IGF1R: variants seen among roughly 807,000 people sequenced by gnomAD.
The protein encoded by IGF1R is insulin like growth factor 1 receptor.
A neutral mutation model predicts 144.6 loss-of-function variants in IGF1R; 44 were observed. The ratio of observed to expected loss-of-function variants is 0.30; its 90% CI spans 0.24 to 0.39. The LOEUF (loss-of-function observed/expected upper bound fraction) is 0.39. Ranked by LOEUF, IGF1R falls within the 10% of genes least tolerant of loss-of-function variation. The pLI is 1.00. For synonymous variants in IGF1R, 795 were observed against 722.8 expected (o/e 1.10, Z -1.60); for missense variants, 1,355 against 1,833.7 (o/e 0.74, Z 4.77).
intron 11 of IGF1R, 128 bp downstream of exon 11, chr15:98,922,559 C>A: frequency 2.7e-6 from 3 of 1,129,224 alleles, no homozygotes; most frequent in Non-Finnish European, 3.9e-6. Flanking sequence ...TGCTAAATAA[C>A]GTGCAGTCAT....
chr15:98,740,374 A>C (rs2054710089), intron 2 of IGF1R, among the ~76,000 whole-genome samples: 2 of 152,214 alleles, frequency 1.3e-5, no homozygotes, highest in African/African-American at 4.8e-5. Flanking sequence ...ATGCAGGCTG[A>C]AAAAGCATTT....
At chr15:98,661,215 G>A (rs2141176808) in intron 1 of IGF1R, among the ~76,000 whole-genome samples, 1 of 152,308 alleles carries the variant, frequency 6.6e-6, no homozygotes, top group East Asian at 1.9e-4. Flanking sequence ...AGGGACAGTA[G>A]CAAGGTCTTA....
At chr15:98,926,565 T>C (rs926715729) in intron 13 of IGF1R, among the ~76,000 whole-genome samples, 1 of 152,216 alleles carries the variant, frequency 6.6e-6, no homozygotes, top group Non-Finnish European at 1.5e-5. Flanking sequence ...ATGATAAATA[T>C]ACAATTTTTA....
chr15:98,719,787 G>A (rs1001461595), intron 2 of IGF1R, among the ~76,000 whole-genome samples: 19 of 152,166 alleles, frequency 1.2e-4, no homozygotes, highest in African/African-American at 4.3e-4. Flanking sequence ...GGGGACTTGA[G>A]ACCCTTGACT....
Position 98,935,234 on chromosome 15 carries a change from C to G in IGF1R, c.3187-82C>G, listed in dbSNP as rs1473131677. On this transcript the variant is annotated intron_variant, in intron 16 of 20. Coordinates refer to ENST00000650285, the MANE Select transcript of IGF1R (RefSeq NM_000875.5). This position sits in a 1 kb window ranked among gnomAD's most constrained non-coding sequence, Gnocchi z 4.2. ...CCTGTGCTCAGACCAGGCCGCAGCA[C>G]CACAGAGACAGTTCCAGACAACACA... 4 of 1,048,570 alleles carry G rather than the reference C, an allele frequency of 3.8e-6. No homozygotes were observed. The Admixed American group carries it at 8.0e-5, about 21-fold the overall frequency. 65.0% of individuals were successfully genotyped at this position (1,048,570 alleles called of 1,614,324 possible). A position where few individuals can be genotyped will look rare whatever the true frequency, so the allele number is the denominator to read the frequency against.
chr15:98,852,943 A>G (rs901424042), intron 2 of IGF1R, among the ~76,000 whole-genome samples: 3 of 152,146 alleles, frequency 2.0e-5, no homozygotes, highest in African/African-American at 4.8e-5. Context: ...ATTGCTCTCC[A>G]TGTGGGACAG....
chr15:98,917,404 C>T (rs1208942598), intron 10 of IGF1R, among the ~76,000 whole-genome samples: 1 of 152,192 alleles, frequency 6.6e-6, no homozygotes, highest in Non-Finnish European at 1.5e-5. Context: ...CAGTGTAGGG[C>T]GACAGCCTGC....
chr15:98,904,596 AG>A (rs1404693122), intron 5 of IGF1R, among the ~76,000 whole-genome samples: 1 of 152,076 alleles, frequency 6.6e-6, no homozygotes. Context: ...AAGGCAAAAA[AG>A]GCCAAATACT....
chr15:98,724,884 T>C, intron 2 of IGF1R, among the ~76,000 whole-genome samples: 1 of 152,210 alleles, frequency 6.6e-6, no homozygotes, highest in East Asian at 1.9e-4. Context: ...GGCCCTGGAA[T>C]AGAGAAGTTC....
At chr15:98,866,994 C>A (rs553037616) in intron 2 of IGF1R, among the ~76,000 whole-genome samples, 1 of 152,178 alleles carries the variant, frequency 6.6e-6, no homozygotes, top group Non-Finnish European at 1.5e-5. Context: ...TCATGACATC[C>A]TGAGCAGTGA....
At chr15:98,780,904 G>GA (rs1159841989) in intron 2 of IGF1R, among the ~76,000 whole-genome samples, 1 of 152,160 alleles carries the variant, frequency 6.6e-6, no homozygotes, top group Non-Finnish European at 1.5e-5. Flanking sequence ...GAACAATGTA[G>GA]AAAAGAAGAT....
At chr15:98,900,110 C>T (rs1445176121) in intron 5 of IGF1R, among the ~76,000 whole-genome samples, 2 of 152,140 alleles carry the variant, frequency 1.3e-5, no homozygotes, top group Admixed American at 6.5e-5. Flanking sequence ...CCCGGATTCA[C>T]GAGATGGTTT....
At chr15:98,779,423 A>T in intron 2 of IGF1R, among the ~76,000 whole-genome samples, 1 of 152,240 alleles carries the variant, frequency 6.6e-6, no homozygotes, top group East Asian at 1.9e-4. Context: ...GTACCATTCT[A>T]AGCACTTTAC....
At chr15:98,947,027 T>C (rs1364729881) in intron 19 of IGF1R, among the ~76,000 whole-genome samples, 2 of 152,272 alleles carry the variant, frequency 1.3e-5, no homozygotes, top group Non-Finnish European at 2.9e-5. Flanking sequence ...CACTGGCATC[T>C]GAGGCATGCT....
intron 1 of IGF1R, among the ~76,000 whole-genome samples, chr15:98,694,390 T>A (rs2053549659): frequency 6.6e-6 from 1 of 152,114 alleles, no homozygotes; most frequent in African/African-American, 2.4e-5. Context: ...AGATGAGCCA[T>A]AGGAAGGCTT....
intron 20 of IGF1R, among the ~76,000 whole-genome samples, chr15:98,951,981 C>T (rs1056813223): frequency 6.6e-6 from 1 of 152,164 alleles, no homozygotes; most frequent in East Asian, 1.9e-4. Flanking sequence ...TGTGTTGTCA[C>T]AAAATATTCT....
At chr15:98,722,585 C>T (rs1050937453) in intron 2 of IGF1R, among the ~76,000 whole-genome samples, 1 of 152,184 alleles carries the variant, frequency 6.6e-6, no homozygotes, top group Admixed American at 6.5e-5. Flanking sequence ...CATTATTTAT[C>T]TCTGACTACT....
intron 1 of IGF1R, among the ~76,000 whole-genome samples, chr15:98,678,016 C>T (rs971843054): frequency 6.6e-6 from 1 of 152,146 alleles, no homozygotes; most frequent in African/African-American, 2.4e-5. Flanking sequence ...ATGTGTAAGG[C>T]ATCTTTTGGT....
intron 2 of IGF1R, among the ~76,000 whole-genome samples, chr15:98,805,654 T>C (rs538549289): frequency 6.6e-6 from 1 of 152,338 alleles, no homozygotes; most frequent in East Asian, 1.9e-4. Context: ...AGTATTTGTT[T>C]TGGTTGTCTT....
Sources: gnomAD v4.1 joint callset for allele counts (sites outside exome capture counted in the v4.1 genomes callset) on GRCh38, gnomAD v4.1.1 for gene constraint, Gnocchi (gnomAD v3.1) non-coding constraint, MANE v1.5 for transcripts, NCBI Gene and HGNC (gene_info 2026-07-23, HGNC 2026-07-21) for gene names.